The following CCNY variants were observed in gnomAD, a reference collection of about 807,000 sequenced individuals.
CCNY encodes cyclin Y.
In CCNY, 19 loss-of-function variants were observed where a neutral mutation model predicts 42.8. The ratio of observed to expected loss-of-function variants is 0.44; its 90% CI spans 0.31 to 0.65. The LOEUF (loss-of-function observed/expected upper bound fraction) is 0.65. Ranked by LOEUF, CCNY falls within the 30% of genes least tolerant of loss-of-function variation. The pLI is 0.07. For synonymous variants in CCNY, 165 were observed against 162.7 expected, an observed-to-expected ratio of 1.01 and a Z score of -0.11; for missense variants, 370 against 437.3, an observed-to-expected ratio of 0.85 and a Z score of 1.37.
At chr10:35,285,748 A>C (rs1423450685) in intron 3 of CCNY, among the ~76,000 whole-genome samples, 1 of 152,092 alleles carries the variant, frequency 6.6e-6, no homozygotes, top group Admixed American at 6.6e-5. Flanking sequence ...CTCTGACTTC[A>C]AATTGCTGTG....
At chr10:35,495,874 C>G (rs939598824) in intron 2 of CCNY, among the ~76,000 whole-genome samples, 6 of 152,170 alleles carry the variant, frequency 3.9e-5, no homozygotes, top group Non-Finnish European at 8.8e-5. Flanking sequence ...AGGGGCTCAA[C>G]AGTTGTTTTG....
chr10:35,493,624 G>A (rs1459058881), intron 2 of CCNY, among the ~76,000 whole-genome samples: 1 of 152,130 alleles, frequency 6.6e-6, no homozygotes, highest in Non-Finnish European at 1.5e-5. Flanking sequence ...TGAAGATAGC[G>A]ATCCTCTGGA....
chr10:35,373,712 A>G (rs11813258), intron 1 of CCNY, among the ~76,000 whole-genome samples: 43,869 of 152,040 alleles, frequency 0.29, 6,619 homozygotes, highest in Admixed American at 0.35. Flanking sequence ...ATTTTTCTTA[A>G]TAGCAGTTTC....
At chr10:35,484,046 TTC>T (rs942512499) in intron 2 of CCNY, among the ~76,000 whole-genome samples, 3 of 152,336 alleles carry the variant, frequency 2.0e-5, no homozygotes, top group South Asian at 4.1e-4. Context: ...TCTAGGAGTT[TTC>T]TCTCTTTTCA....
In CCNY at chr10:35,569,087, G is replaced by A. The variant is rs1353378830; in HGVS notation, c.943G>A (p.Asp315Asn). 1 of 1,613,208 alleles carries A rather than the reference G, an allele frequency of 6.2e-7. No homozygotes were observed. Among genetic ancestry groups the A allele is most frequent in the Non-Finnish European group, 8.5e-7 (1 of 1,179,832 alleles). ...TCGCCTCTGCGAGGACAAGTACAAG[G>A]ACCTAAGAAGATCCGCGAGGAAGCG... ...ISRLCEDKYKDLRRSARKRSA... is the reference protein window; with the variant it reads ...ISRLCEDKYKNLRRSARKRSA... The change falls in exon 10 of 10, where the codon GAC (aspartate) becomes AAC (asparagine). Residue 315 changes from aspartate to asparagine, a missense_variant. Transcript: ENST00000374704.
At chr10:35,467,198 C>CT (rs1279967604) in intron 1 of CCNY, among the ~76,000 whole-genome samples, 1 of 152,060 alleles carries the variant, frequency 6.6e-6, no homozygotes, top group Non-Finnish European at 1.5e-5. Context: ...TGTATTTTGG[C>CT]TTTTTATAAT....
At chr10:35,270,410 A>G (rs1232784089) in intron 3 of CCNY, among the ~76,000 whole-genome samples, 3 of 152,362 alleles carry the variant, frequency 2.0e-5, no homozygotes, top group East Asian at 3.9e-4. Context: ...AAGGGGAGGA[A>G]TTACCAATGT....
intron 5 of CCNY, among the ~76,000 whole-genome samples, chr10:35,529,347 A>T (rs1210930650): frequency 1.3e-5 from 2 of 152,214 alleles, no homozygotes; most frequent in Non-Finnish European, 2.9e-5. Context: ...AGCAGATCCA[A>T]CAACCTTTGC....
chr10:35,469,399 T>C (rs1376775874), intron 1 of CCNY, among the ~76,000 whole-genome samples: 4 of 152,330 alleles, frequency 2.6e-5, no homozygotes, highest in Non-Finnish European at 2.9e-5. Context: ...TAAGATAGAA[T>C]ATTAGATACA....
At chr10:35,393,948 T>TA (rs1564394409) in intron 1 of CCNY, among the ~76,000 whole-genome samples, 1 of 152,046 alleles carries the variant, frequency 6.6e-6, no homozygotes, top group African/African-American at 2.4e-5. Flanking sequence ...AATCTGTATA[T>TA]AAAAAAAGAA....
chr10:35,524,333 G>C (rs563459378), intron 4 of CCNY, among the ~76,000 whole-genome samples: 1 of 152,330 alleles, frequency 6.6e-6, no homozygotes, highest in African/African-American at 2.4e-5. Context: ...GGAGAAAAAG[G>C]ATGTATTAGC....
At chr10:35,314,889 C>T (rs545202752) in intron 3 of CCNY, 1 of 152,114 alleles carries the variant, frequency 6.6e-6, no homozygotes, top group East Asian at 1.9e-4. Context: ...TCGAGACCAG[C>T]CTGACCAACA....
chr10:35,396,951 A>G (rs747240363), intron 1 of CCNY, among the ~76,000 whole-genome samples: 16 of 152,202 alleles, frequency 1.1e-4, no homozygotes, highest in Non-Finnish European at 2.2e-4. Flanking sequence ...AGGAAAATTC[A>G]AAGTACTGGA....
At chr10:35,302,288 A>G (rs905319451) in intron 3 of CCNY, among the ~76,000 whole-genome samples, 3 of 149,072 alleles carry the variant, frequency 2.0e-5, no homozygotes, top group African/African-American at 7.4e-5. Flanking sequence ...TCAAAACAGC[A>G]GGTTAATACT....
upstream of CCNY, among the ~76,000 whole-genome samples, chr10:35,334,621 CTT>C (rs1348303626): frequency 6.6e-6 from 1 of 152,230 alleles, no homozygotes; most frequent in Non-Finnish European, 1.5e-5. Flanking sequence ...TTTTACACTT[CTT>C]TTCTCATCTG....
chr10:35,570,345 G>C lies in CCNY; in HGVS notation c.*1175G>C, dbSNP rs2135471535. The C allele has an allele frequency of 6.6e-6, 1 of 152,330 alleles. No individual in the cohort carries two copies. The highest frequency in any genetic ancestry group is 1.5e-5 in the Non-Finnish European group (1 of 68,012). The allele number at this position is 152,330 out of a possible 1,614,324, so 9.4% of individuals were successfully genotyped here. A position where few individuals can be genotyped will look rare whatever the true frequency, so the allele number is the denominator to read the frequency against. ...GATTGAATTAAAAAAAACTCAACTT[G>C]CATTTTCATTGTGGGTGCTTAGAGA... is the stretch of plus-strand genomic sequence containing the variant. On this transcript the variant is annotated 3_prime_UTR_variant, in exon 10 of 10. Transcript: ENST00000374704.
In CCNY at chr10:35,570,033, C is replaced by T. The variant is rs1841655601; in HGVS notation, c.*863C>T. ...AAGGACACGGTGCAGCAGAGGGTGT[C>T]CCTGTGAGAGTTCTGCAGAGTGCTG... is the stretch of plus-strand genomic sequence containing the variant. On this transcript the variant is annotated 3_prime_UTR_variant, in exon 10 of 10. Transcript: ENST00000374704. 6.5e-6 allele frequency: 1 copy of T among 152,680 alleles called. No homozygotes were observed. Among genetic ancestry groups the T allele is most frequent in the African/African-American group, 2.4e-5 (1 of 41,382 alleles). 9.5% of individuals were successfully genotyped at this position (152,680 alleles called of 1,614,324 possible).
intron 1 of CCNY, among the ~76,000 whole-genome samples, chr10:35,393,915 A>G (rs1398781514): frequency 6.6e-6 from 1 of 152,198 alleles, no homozygotes; most frequent in African/African-American, 2.4e-5. Context: ...AAAAAACAAA[A>G]AAGTTTACAA....
intron 4 of CCNY, among the ~76,000 whole-genome samples, chr10:35,522,582 C>A (rs1261891154): frequency 6.6e-6 from 1 of 152,156 alleles, no homozygotes; most frequent in Non-Finnish European, 1.5e-5. Flanking sequence ...AGATACACGT[C>A]TCCCAGGAAG....
Sources: allele counts gnomAD v4.1 joint callset (sites outside exome capture counted in the v4.1 genomes callset), GRCh38; gene constraint gnomAD v4.1.1; transcripts MANE v1.5; gene names NCBI Gene and HGNC (gene_info 2026-07-23, HGNC 2026-07-21).